The following DIAPH2 variants were observed in gnomAD, a reference collection of about 807,000 sequenced individuals.
DIAPH2 encodes protein diaphanous homolog 2.
Under a neutral mutation model 92.7 loss-of-function variants are expected in DIAPH2, and 35 were observed. The observed-to-expected ratio is 0.38, with a 90% confidence interval of 0.29 to 0.50. DIAPH2 has a LOEUF of 0.50. Ranked by LOEUF, DIAPH2 falls within the 20% of genes least tolerant of loss-of-function variation. The probability of loss-of-function intolerance (pLI) is 0.94; values close to 1 mark genes in which losing one functional copy is unlikely to be tolerated. For missense variants in DIAPH2, 701 were observed against 819.5 expected (o/e 0.86, Z 1.77); for synonymous variants, 301 against 280.4 (o/e 1.07, Z -0.73).
At chrX:96,731,158 A>AAAT (rs2064052548) in intron 1 of DIAPH2, among the ~76,000 whole-genome samples, 1 of 111,320 alleles carries the variant, frequency 9.0e-6, no homozygotes, top group Non-Finnish European at 1.9e-5. Flanking sequence ...GTGATTCTTC[A>AAAT]GTTACTTCGG....
chrX:97,319,474 C>T (rs1331685208), intron 23 of DIAPH2, among the ~76,000 whole-genome samples: 5 of 109,546 alleles, frequency 4.6e-5, no homozygotes, highest in South Asian at 8.1e-4. Context: ...CTGCAAGCTC[C>T]GCCTCCCGGG....
chrX:97,550,140 C>A (rs1458946383), intron 26 of DIAPH2, among the ~76,000 whole-genome samples: 1 of 112,199 alleles, frequency 8.9e-6, no homozygotes, highest in East Asian at 2.8e-4. Context: ...AGGTGGATCA[C>A]CTGAGGTCAG....
intron 4 of DIAPH2, among the ~76,000 whole-genome samples, chrX:96,775,667 AAC>A (rs2064372941): frequency 9.1e-6 from 1 of 110,364 alleles, no homozygotes; most frequent in Non-Finnish European, 1.9e-5. Flanking sequence ...CGTACGTTAA[AAC>A]ACAGTGAAAA....
At chrX:96,975,978 T>C (rs2065957769) in intron 17 of DIAPH2, among the ~76,000 whole-genome samples, 1 of 108,709 alleles carries the variant, frequency 9.2e-6, no homozygotes, top group Non-Finnish European at 1.9e-5. Flanking sequence ...TAATTTCTTT[T>C]CTTTCCCTCC....
intron 5 of DIAPH2, chrX:96,885,200 A>C: frequency 8.8e-6 from 6 of 682,143 alleles, no homozygotes; most frequent in Non-Finnish European, 1.3e-5. Context: ...AAAAAATCTC[A>C]AGTGGCATTC....
chrX:97,242,509 G>A (rs2068104594), intron 22 of DIAPH2, among the ~76,000 whole-genome samples: 2 of 109,629 alleles, frequency 1.8e-5, no homozygotes, highest in African/African-American at 6.6e-5. Context: ...GATTACAGGC[G>A]GGCACCACCA....
At chrX:96,958,361 G>C (rs1254416634) in intron 16 of DIAPH2, among the ~76,000 whole-genome samples, 1 of 112,158 alleles carries the variant, frequency 8.9e-6, no homozygotes, top group Non-Finnish European at 1.9e-5. Flanking sequence ...GAAAATCGAA[G>C]TGATGTAGAG....
intron 20 of DIAPH2, among the ~76,000 whole-genome samples, chrX:97,102,384 T>C (rs1218813568): frequency 8.9e-6 from 1 of 111,809 alleles, no homozygotes; most frequent in Admixed American, 9.5e-5. Context: ...AGAAAGCAGT[T>C]TGACTTCAAA....
chrX:97,115,748 A>T (rs2067012457), intron 21 of DIAPH2, among the ~76,000 whole-genome samples: 1 of 111,690 alleles, frequency 9.0e-6, no homozygotes, highest in Non-Finnish European at 1.9e-5. Context: ...ATTAACTAAG[A>T]GGTAAAAAAG....
At chrX:97,159,365 A>G (rs1026305259) in intron 22 of DIAPH2, among the ~76,000 whole-genome samples, 2 of 112,341 alleles carry the variant, frequency 1.8e-5, no homozygotes, top group African/African-American at 6.5e-5. Flanking sequence ...TTCTCTGATT[A>G]TAGAAACTGT....
intron 23 of DIAPH2, among the ~76,000 whole-genome samples, chrX:97,312,595 C>T (rs1438416170): frequency 9.0e-6 from 1 of 110,695 alleles, no homozygotes; most frequent in Non-Finnish European, 1.9e-5. Context: ...GGTGATCTGC[C>T]GCCTCAGCCC....
At chrX:97,196,642 A>G (rs1054490192) in intron 22 of DIAPH2, among the ~76,000 whole-genome samples, 3 of 112,184 alleles carry the variant, frequency 2.7e-5, no homozygotes, top group Admixed American at 1.9e-4. Context: ...TTCTTTCTAG[A>G]TTGAAATATA....
intron 23 of DIAPH2, among the ~76,000 whole-genome samples, chrX:97,269,851 C>A (rs2068371782): frequency 9.2e-6 from 1 of 108,799 alleles, no homozygotes; most frequent in Non-Finnish European, 1.9e-5. Flanking sequence ...CTCCCGAGTT[C>A]AAGCGATTCT....
At chrX:96,839,540 A>G (rs181672962) in intron 4 of DIAPH2, among the ~76,000 whole-genome samples, 2 of 111,589 alleles carry the variant, frequency 1.8e-5, no homozygotes, top group South Asian at 3.7e-4. Context: ...ATTTTTTCCT[A>G]TGCTAATAAG....
chrX:96,869,391 G>A (rs1013282139), intron 4 of DIAPH2, among the ~76,000 whole-genome samples: 4 of 110,387 alleles, frequency 3.6e-5, no homozygotes, highest in African/African-American at 9.9e-5. Context: ...GTGAAACCCC[G>A]ACTCTACTAA....
intron 26 of DIAPH2, among the ~76,000 whole-genome samples, chrX:97,583,129 G>A (rs768237036): frequency 1.5e-4 from 17 of 111,202 alleles, no homozygotes; most frequent in South Asian, 1.2e-3. Flanking sequence ...ATATCCTCCC[G>A]TAGCTCAGAG....
chrX:97,409,159 G>A (rs747600322), intron 25 of DIAPH2, among the ~76,000 whole-genome samples: 1 of 111,641 alleles, frequency 9.0e-6, no homozygotes, highest in Non-Finnish European at 1.9e-5. Context: ...TTTTAAATTT[G>A]GAGATGAAAG....
chrX:97,101,912 A>T (rs2066908318), intron 20 of DIAPH2, among the ~76,000 whole-genome samples: 1 of 112,465 alleles, frequency 8.9e-6, no homozygotes, highest in Non-Finnish European at 1.9e-5. Flanking sequence ...ATATATCAAC[A>T]GCCTAATGTG....
intron 5 of DIAPH2, among the ~76,000 whole-genome samples, chrX:96,890,410 A>G (rs1192664656): frequency 8.9e-6 from 1 of 111,849 alleles, no homozygotes; most frequent in African/African-American, 3.3e-5. Flanking sequence ...ATGTTTCATT[A>G]TTTTTTGTAT....
Sources: gnomAD v4.1 joint callset for allele counts (sites outside exome capture counted in the v4.1 genomes callset) on GRCh38, gnomAD v4.1.1 for gene constraint, MANE v1.5 for transcripts, NCBI Gene and HGNC (gene_info 2026-07-23, HGNC 2026-07-21) for gene names.